CFAP44: variants seen among roughly 807,000 people sequenced by gnomAD.
The protein encoded by CFAP44 is cilia- and flagella-associated protein 44.
CFAP44 carries 134 observed loss-of-function variants against 216.2 expected under a neutral mutation model. That is an observed-to-expected ratio of 0.62 (90% confidence interval 0.54 to 0.72). The LOEUF is 0.72. CFAP44 is among the 30% of genes least tolerant of loss of function. The pLI, the probability that CFAP44 is intolerant of heterozygous loss-of-function variation, is 0.00. For synonymous variants in CFAP44, 700 were observed against 727.6 expected (o/e 0.96, Z 0.61); for missense variants, 2,035 against 2,182.1 (o/e 0.93, Z 1.34).
In CFAP44 at chr3:113,337,004, GA is replaced by G. The variant is rs1950287250; in HGVS notation, c.3438-3422del. Among the ~76,000 whole-genome samples the G allele has an allele frequency of 4.0e-5, 6 of 151,506 alleles. No individual in the cohort carries two copies. The South Asian group carries it at 1.3e-3, about 32-fold the overall frequency. On this transcript the variant is annotated intron_variant, in intron 24 of 34. Coordinates refer to ENST00000393845, the MANE Select transcript of CFAP44 (RefSeq NM_001164496.2). ...AAGAAAAGGAAATAAGATGCAAACAGATTAGAAATAAAACTGTTCCTGTTTA... is the reference window on the plus strand; with the variant it reads ...AAGAAAAGGAAATAAGATGCAAACAGTTAGAAATAAAACTGTTCCTGTTTA...
At chr3:113,319,816 C>T (rs916139197) in intron 28 of CFAP44, among the ~76,000 whole-genome samples, 5 of 151,836 alleles carry the variant, frequency 3.3e-5, no homozygotes, top group African/African-American at 1.2e-4. Context: ...TGCTATATCA[C>T]TAGTTAGATT....
At chr3:113,342,838 A>T (rs73235062) in intron 23 of CFAP44, among the ~76,000 whole-genome samples, 4,956 of 120,142 alleles carry the variant, frequency 0.041, 144 homozygotes, top group African/African-American at 0.11. Flanking sequence ...AAAAATACAT[A>T]AAAAAAAAAA....
At chr3:113,373,952 T>C (rs763562715) in intron 17 of CFAP44, among the ~76,000 whole-genome samples, 15 of 152,178 alleles carry the variant, frequency 9.9e-5, no homozygotes, top group Non-Finnish European at 2.1e-4. Flanking sequence ...ACACTGTTAA[T>C]TTTCCAGAAA....
At chr3:113,386,139 TTATTA>T (rs369405916) in intron 15 of CFAP44, among the ~76,000 whole-genome samples, 14 of 152,330 alleles carry the variant, frequency 9.2e-5, no homozygotes, top group African/African-American at 3.4e-4. Flanking sequence ...TTATCTTTTA[TTATTA>T]TAAGATGTTA....
chr3:113,352,258 G>A (rs2107829213), intron 22 of CFAP44, among the ~76,000 whole-genome samples: 1 of 152,322 alleles, frequency 6.6e-6, no homozygotes, highest in Middle Eastern at 3.4e-3. Context: ...CAGCATGTGG[G>A]CAGGGACAAA....
At chr3:113,357,889 C>T (rs1026024349) in intron 22 of CFAP44, among the ~76,000 whole-genome samples, 1 of 152,024 alleles carries the variant, frequency 6.6e-6, no homozygotes, top group East Asian at 1.9e-4. Context: ...AAAACGTACA[C>T]AATGTTCATA....
chr3:113,311,531 C>A (rs1349086503), intron 28 of CFAP44, among the ~76,000 whole-genome samples: 4 of 152,184 alleles, frequency 2.6e-5, no homozygotes, highest in Admixed American at 2.6e-4. Context: ...TGAGGCATCC[C>A]CAGCCATGTG....
intron 23 of CFAP44, among the ~76,000 whole-genome samples, chr3:113,342,638 G>A (rs547439920): frequency 1.3e-5 from 2 of 152,194 alleles, no homozygotes; most frequent in Non-Finnish European, 2.9e-5. Context: ...ACCAACTGAA[G>A]TGCTCTGAAG....
At chr3:113,376,651 G>C (rs1006513268) in intron 17 of CFAP44, among the ~76,000 whole-genome samples, 1 of 152,288 alleles carries the variant, frequency 6.6e-6, no homozygotes, top group African/African-American at 2.4e-5. Context: ...ATTGACCTCT[G>C]AGCTTATCAT....
chr3:113,437,936 T>C (rs893924982), intron 1 of CFAP44, among the ~76,000 whole-genome samples: 9 of 152,214 alleles, frequency 5.9e-5, no homozygotes, highest in African/African-American at 2.2e-4. Context: ...GATCCTTTAA[T>C]ATGTAAAATG....
chr3:113,346,945 C>T (rs930768825), intron 22 of CFAP44, among the ~76,000 whole-genome samples: 5 of 152,006 alleles, frequency 3.3e-5, no homozygotes, highest in Admixed American at 6.6e-5. Context: ...ACACTCACCG[C>T]GAAGGCCCGT....
intron 22 of CFAP44, among the ~76,000 whole-genome samples, chr3:113,349,753 A>G (rs1357665933): frequency 2.0e-5 from 3 of 152,162 alleles, no homozygotes; most frequent in Non-Finnish European, 4.4e-5. Flanking sequence ...AGCCCCAGGT[A>G]TGTTTAACCA....
chr3:113,318,431 C>T (rs917167688), intron 28 of CFAP44, among the ~76,000 whole-genome samples: 3 of 151,974 alleles, frequency 2.0e-5, no homozygotes, highest in African/African-American at 7.2e-5. Flanking sequence ...TGAGATTCTA[C>T]AAAGAGAACA....
chr3:113,407,030 A>G lies in CFAP44; in HGVS notation c.902T>C (p.Met301Thr). The G allele has an allele frequency of 6.2e-7, 1 of 1,614,034 alleles. No homozygotes were observed. Among genetic ancestry groups the G allele is most frequent in the Admixed American group, 1.7e-5 (1 of 60,018 alleles). ...CTTGAGACCGGTGAACGTAAAAGCC[A>G]TTTCCCAGAACCTACAAACAAGAAA... ...SGSGHIKFWE[M>T]AFTFTGLKLQ... The change falls in exon 8 of 35, where the codon ATG becomes ACG. Residue 301 changes from methionine to threonine, a missense_variant. By Grantham distance (81) the Met-to-Thr change is moderately conservative. This residue lies in a region of CFAP44 where 1,883 missense variants were observed against 2,023.7 expected (regional missense o/e 0.93). Coordinates refer to ENST00000393845, the MANE Select transcript of CFAP44 (RefSeq NM_001164496.2).
In CFAP44 at chr3:113,304,023, T is replaced by A. The variant is rs4682484; in HGVS notation, c.4970A>T (p.His1657Leu). The A allele has an allele frequency of 6.5e-7, 1 of 1,537,370 alleles. No homozygotes were observed. The highest frequency in any genetic ancestry group is 8.7e-7 in the Non-Finnish European group (1 of 1,146,952). The change falls in exon 32 of 35, where the codon CAT becomes CTT. Residue 1657 changes from histidine to leucine, a missense_variant. By Grantham distance (99) the His-to-Leu change is moderately conservative (BLOSUM62 -3). This residue lies in a region of CFAP44 where 1,883 missense variants were observed against 2,023.7 expected (regional missense o/e 0.93). Transcript: ENST00000393845. ...CTTGGAATTTTCCTCCTGGAGCTCA[T>A]GGATTCGTTCTTGCAGCCGTCTCAA... ...HALRRLQERIHELQEENSKQQ... is the reference protein window; with the variant it reads ...HALRRLQERILELQEENSKQQ...
chr3:113,403,537 C>A (rs538699362), intron 9 of CFAP44, among the ~76,000 whole-genome samples: 1 of 152,158 alleles, frequency 6.6e-6, no homozygotes, highest in Admixed American at 6.5e-5. Flanking sequence ...TCATATGGAG[C>A]CTTTTGGAAG....
In CFAP44 at chr3:113,296,903, C is replaced by G. The variant is rs1342324358; in HGVS notation, c.5078-18G>C. On this transcript the variant is annotated intron_variant, in intron 32 of 34. Transcript: ENST00000393845. ...CTCCATTTCTAAAAGAAGACAGTCA[C>G]TGGCTCAGGTTGTTCAATGGCTCCC... 6.5e-7 allele frequency: 1 copy of G among 1,537,092 alleles called. No homozygotes were observed. Among genetic ancestry groups the G allele is most frequent in the Non-Finnish European group, 8.7e-7 (1 of 1,146,870 alleles).
At chr3:113,350,246 G>T (rs1372611187) in intron 22 of CFAP44, among the ~76,000 whole-genome samples, 1 of 151,930 alleles carries the variant, frequency 6.6e-6, no homozygotes, top group East Asian at 1.9e-4. Flanking sequence ...AAGTCAAAAA[G>T]AAAGAGAAGG....
chr3:113,297,425 C>T (rs968459105), intron 32 of CFAP44, among the ~76,000 whole-genome samples: 2 of 152,026 alleles, frequency 1.3e-5, no homozygotes, highest in African/African-American at 4.8e-5. Context: ...CCAGGCTCAC[C>T]CCAGCCTCAT....
Sources: gnomAD v4.1 joint callset for allele counts (sites outside exome capture counted in the v4.1 genomes callset) on GRCh38, gnomAD v4.1.1 for gene constraint, gnomAD v4.1.1 regional missense constraint, MANE v1.5 for transcripts, NCBI Gene and HGNC (gene_info 2026-07-23, HGNC 2026-07-21) for gene names.